Variants in RAPGEF6 observed in about 807,000 individuals in gnomAD.
The protein encoded by RAPGEF6 is PDZ domain containing guanine nucleotide exchange factor (GEF) 2.
A neutral mutation model predicts 171.4 loss-of-function variants in RAPGEF6; 56 were observed. The ratio of observed to expected loss-of-function variants is 0.33; its 90% CI spans 0.26 to 0.41. The LOEUF is 0.41. Ranked by LOEUF, RAPGEF6 falls within the 10% of genes least tolerant of loss-of-function variation. The probability of loss-of-function intolerance (pLI) is 1.00; values close to 1 mark genes in which losing one functional copy is unlikely to be tolerated. For synonymous variants in RAPGEF6, 692 were observed against 650.1 expected (o/e 1.06, Z -0.98); for missense variants, 1,674 against 1,921.4 (o/e 0.87, Z 2.41).
At position 131,431,123 on chromosome 5, in the gene RAPGEF6, C is replaced by A; in HGVS notation, c.4201G>T (p.Ala1401Ser). ...YRHTHLDDPI[A>S]EVEPTDSEPY... ...TCAGAGTCAGTGGGTTCAACTTCAG[C>A]AATGGGGTCATCCAAATGGGTATGT... Residue 1401 changes from alanine to serine, a missense_variant, in exon 26 of 28, where the codon GCT becomes TCT. Transcript: ENST00000509018. 1 of 1,614,192 alleles carries A rather than the reference C, an allele frequency of 6.2e-7. No individual in the cohort carries two copies. Among genetic ancestry groups the A allele is most frequent in the Non-Finnish European group, 8.5e-7 (1 of 1,180,034 alleles).
chr5:131,511,317 G>C (rs1488421192), intron 7 of RAPGEF6: 1 of 151,874 alleles, frequency 6.6e-6, no homozygotes, highest in Non-Finnish European at 1.5e-5. Flanking sequence ...TAATGAAAAA[G>C]CATGGGTATT....
At chr5:131,552,774 C>T (rs910767170) in intron 5 of RAPGEF6, among the ~76,000 whole-genome samples, 1 of 151,952 alleles carries the variant, frequency 6.6e-6, no homozygotes, top group Non-Finnish European at 1.5e-5. Flanking sequence ...AAAAATGCAA[C>T]TTTAACATAA....
chr5:131,536,924 T>C (rs1475065388), intron 6 of RAPGEF6, among the ~76,000 whole-genome samples: 2 of 152,194 alleles, frequency 1.3e-5, no homozygotes, highest in African/African-American at 4.8e-5. Context: ...TTTATATCCC[T>C]TGTTCATAAA....
At position 131,431,181 on chromosome 5, in the gene RAPGEF6, GTTTGGAAGGC is replaced by G; in HGVS notation, c.4133_4142del (p.Ser1378ThrfsTer8). ...AGTTCAAAAAATCCCAGCTTTTTGG[GTTTGGAAGGC>G]TTTGGAAGTTGTCATGGGAGCTGCT... On this transcript the variant is annotated frameshift_variant, in exon 26 of 28. Transcript: ENST00000509018. LOFTEE classifies it high-confidence loss of function. 2 of 1,614,186 alleles carry G rather than the reference GTTTGGAAGGC, an allele frequency of 1.2e-6. No homozygotes were observed. The highest frequency in any genetic ancestry group is 1.7e-6 in the Non-Finnish European group (2 of 1,180,040).
chr5:131,543,859 A>G (rs980793906), intron 6 of RAPGEF6, among the ~76,000 whole-genome samples: 22 of 152,192 alleles, frequency 1.4e-4, no homozygotes, highest in African/African-American at 4.8e-4. Flanking sequence ...TTCTGAAACT[A>G]TATGAAGACA....
At chr5:131,435,513 C>T (rs1380385894) in intron 24 of RAPGEF6, among the ~76,000 whole-genome samples, 1 of 152,160 alleles carries the variant, frequency 6.6e-6, no homozygotes, top group East Asian at 1.9e-4. Flanking sequence ...CTAAGAACCA[C>T]CTGGCAAGCC....
In RAPGEF6 at chr5:131,479,526, G is replaced by A; in HGVS notation, c.2068C>T (p.Pro690Ser). The part of the protein sequence containing the change: ...LDKTRFSILP[P>S]KLFSDGGLSQ... ...GGCATTACCTACCTAAATAGCTTTG[G>A]AGGCAAGATACTAAATCGTGTTTTA... Residue 690 changes from proline (P) to serine (S), a missense_variant, in exon 16 of 28, where the codon CCA (proline) becomes TCA (serine). By Grantham distance (74) the Pro-to-Ser change is moderately conservative. Transcript: ENST00000509018. 2 of 1,613,844 alleles carry A rather than the reference G, an allele frequency of 1.2e-6. No individual in the cohort carries two copies. Among genetic ancestry groups the A allele is most frequent in the Non-Finnish European group, 1.7e-6 (2 of 1,179,912 alleles).
At chr5:131,454,949 T>C (rs1753375599) in intron 20 of RAPGEF6, among the ~76,000 whole-genome samples, 1 of 152,176 alleles carries the variant, frequency 6.6e-6, no homozygotes. Flanking sequence ...TTCAAAGTGT[T>C]TGAAGAAGAT....
chr5:131,528,161 A>T (rs1432327131), intron 6 of RAPGEF6, among the ~76,000 whole-genome samples: 1 of 87,576 alleles, frequency 1.1e-5, no homozygotes, highest in African/African-American at 4.1e-5. Context: ...AATATAAAAT[A>T]TATATTACAT....
intron 1 of RAPGEF6, among the ~76,000 whole-genome samples, chr5:131,607,196 A>G (rs1764654662): frequency 6.6e-6 from 1 of 152,252 alleles, no homozygotes; most frequent in Non-Finnish European, 1.5e-5. Context: ...AGAACAAGAC[A>G]GTAAATAAAA....
chr5:131,553,981 T>C (rs1179065242), intron 5 of RAPGEF6, among the ~76,000 whole-genome samples: 1 of 151,836 alleles, frequency 6.6e-6, no homozygotes, highest in African/African-American at 2.4e-5. Context: ...GAATTTTTGA[T>C]GCCCAAAGCA....
At chr5:131,547,932 C>T in intron 6 of RAPGEF6, 115 bp downstream of exon 6, 4 of 1,154,856 alleles carry the variant, frequency 3.5e-6, no homozygotes, top group Non-Finnish European at 4.9e-6. Flanking sequence ...TTTACCTGCC[C>T]CAAATTTTCA....
chr5:131,590,523 GTTTA>G (rs1394517137), intron 4 of RAPGEF6, among the ~76,000 whole-genome samples: 4 of 152,128 alleles, frequency 2.6e-5, no homozygotes, highest in African/African-American at 9.7e-5. Context: ...ATTCCAGGTA[GTTTA>G]TTTGTTATAG....
intron 17 of RAPGEF6, among the ~76,000 whole-genome samples, chr5:131,471,014 C>T (rs1046282989): frequency 1.1e-4 from 17 of 152,204 alleles, no homozygotes; most frequent in Non-Finnish European, 1.5e-5. Context: ...AGAACTGAAT[C>T]CAGTTTGCAG....
intron 6 of RAPGEF6, among the ~76,000 whole-genome samples, chr5:131,528,524 G>C (rs1372939579): frequency 6.6e-6 from 1 of 151,258 alleles, no homozygotes; most frequent in Non-Finnish European, 1.5e-5. Flanking sequence ...ACCAAAAGTT[G>C]AGAGTTGGAA....
chr5:131,477,099 A>C (rs557286487), intron 16 of RAPGEF6, among the ~76,000 whole-genome samples: 196 of 152,062 alleles, frequency 1.3e-3, no homozygotes, highest in Non-Finnish European at 1.5e-3. Context: ...AGCTCTTTAT[A>C]TATAAAGGGT....
At chr5:131,555,140 A>G (rs1761151372) in intron 5 of RAPGEF6, among the ~76,000 whole-genome samples, 1 of 152,198 alleles carries the variant, frequency 6.6e-6, no homozygotes, top group Non-Finnish European at 1.5e-5. Context: ...GAGAAGCCCA[A>G]TAATTTTAAA....
At position 131,439,704 on chromosome 5, in the gene RAPGEF6, G is replaced by A. The variant is rs755872687; in HGVS notation, c.3622C>T (p.Pro1208Ser). Residue 1208 changes from proline (P) to serine (S), a missense_variant, in exon 24 of 28, where the codon CCT becomes TCT. Transcript: ENST00000509018. The stretch of plus-strand genomic sequence containing the variant: ...TCAGTTGTTCCTAAAACTTTCTGAG[G>A]TAAACTTGTATCTAAAAATAAAACC... Reference protein sequence around the residue: ...TKDPALNTSLPQKVLGTTEEI... With the variant: ...TKDPALNTSLSQKVLGTTEEI... The A allele has an allele frequency of 6.2e-7, 1 of 1,610,408 alleles. No individual in the cohort carries two copies. Among genetic ancestry groups the A allele is most frequent in the Non-Finnish European group, 8.5e-7 (1 of 1,179,114 alleles).
At chr5:131,563,930 C>G (rs1313621078) in intron 4 of RAPGEF6, among the ~76,000 whole-genome samples, 1 of 152,078 alleles carries the variant, frequency 6.6e-6, no homozygotes, top group Admixed American at 6.6e-5. Flanking sequence ...ATAACAGGGA[C>G]TGGGTTTACT....
Sources: gnomAD v4.1 joint callset for allele counts (sites outside exome capture counted in the v4.1 genomes callset) on GRCh38, gnomAD v4.1.1 for gene constraint, MANE v1.5 for transcripts, NCBI Gene and HGNC (gene_info 2026-07-23, HGNC 2026-07-21) for gene names.